ADTRP: variants seen among roughly 807,000 people sequenced by gnomAD.
ADTRP encodes the protein androgen-dependent TFPI-regulating protein.
Under a neutral mutation model 27.0 loss-of-function variants are expected in ADTRP, and 20 were observed. That is an observed-to-expected ratio of 0.74 (90% CI 0.52 to 1.08). The LOEUF (loss-of-function observed/expected upper bound fraction) is 1.08, where lower values mean the gene tolerates loss of function less well. Ranked by LOEUF, ADTRP falls within the 50% of genes least tolerant of loss-of-function variation. The probability of loss-of-function intolerance (pLI) is 0.00; values close to 1 mark genes in which losing one functional copy is unlikely to be tolerated. For synonymous variants in ADTRP, 101 were observed against 105.2 expected (o/e 0.96, Z 0.25); for missense variants, 251 against 275.0 (o/e 0.91, Z 0.62).
At chr6:11,758,578 G>C (rs184745679) in intron 3 of ADTRP, among the ~76,000 whole-genome samples, 1 of 119,842 alleles carries the variant, frequency 8.3e-6, no homozygotes, top group Non-Finnish European at 1.7e-5. Flanking sequence ...TGTGGGGTGG[G>C]GGGGGGGGAC....
chr6:11,714,390 C>T lies in ADTRP; in HGVS notation c.*88G>A. 4 of 1,467,604 alleles carry T rather than the reference C, an allele frequency of 2.7e-6. No homozygotes were observed. Among genetic ancestry groups the T allele is most frequent in the Middle Eastern group, 1.8e-4 (1 of 5,532 alleles). 90.9% of individuals were successfully genotyped at this position (1,467,604 alleles called of 1,614,324 possible). A position where few individuals can be genotyped will look rare whatever the true frequency, so the allele number is the denominator to read the frequency against. On this transcript the variant is annotated 3_prime_UTR_variant, in exon 6 of 6. Coordinates refer to ENST00000414691, the MANE Select transcript of ADTRP (RefSeq NM_032744.4). ...CCTCCTACTTTGCTATGTTCCTCCA[C>T]CACCTCCCTCCACCAGAAAAAAAAA...
In ADTRP at chr6:11,758,800, T is replaced by C. The variant is rs373182032; in HGVS notation, c.390+7474A>G. On this transcript the variant is annotated intron_variant, in intron 3 of 5. Transcript: ENST00000414691. ...CTACATGAAGCACTTCAGGGTGGTGTTGGTACATTGAGAAAGTGGGGCAAG... is the reference window on the plus strand; with the variant it reads ...CTACATGAAGCACTTCAGGGTGGTGCTGGTACATTGAGAAAGTGGGGCAAG... Among the ~76,000 whole-genome samples, 8 of 152,160 alleles carry C rather than the reference T, an allele frequency of 5.3e-5. No individual in the cohort carries two copies. In the East Asian group the frequency reaches 1.2e-3, roughly 22 times the overall value.
intron 3 of ADTRP, among the ~76,000 whole-genome samples, chr6:11,753,590 A>G (rs1343086683): frequency 6.6e-6 from 1 of 152,240 alleles, no homozygotes; most frequent in African/African-American, 2.4e-5. Context: ...ATTTTAAAAT[A>G]TGTCAGAAAG....
At chr6:11,717,127 A>T in intron 5 of ADTRP, 2 of 632,264 alleles carry the variant, frequency 3.2e-6, no homozygotes, top group Non-Finnish European at 2.3e-6. Flanking sequence ...AATGGATTTT[A>T]AGTTGTAATT....
chr6:11,767,434 T>C (rs1763611326), intron 2 of ADTRP, among the ~76,000 whole-genome samples: 1 of 152,188 alleles, frequency 6.6e-6, no homozygotes, highest in Non-Finnish European at 1.5e-5. Context: ...ATCCTTGCTT[T>C]GTTATCAGAG....
At chr6:11,759,189 G>A (rs1763324006) in intron 3 of ADTRP, among the ~76,000 whole-genome samples, 1 of 152,182 alleles carries the variant, frequency 6.6e-6, no homozygotes, top group East Asian at 1.9e-4. Context: ...CTGACGTTTA[G>A]CCAGCAATTC....
At chr6:11,775,786 C>T (rs1157181236) in intron 1 of ADTRP, among the ~76,000 whole-genome samples, 1 of 152,068 alleles carries the variant, frequency 6.6e-6, no homozygotes, top group Non-Finnish European at 1.5e-5. Flanking sequence ...CTCACAGTGC[C>T]AACTGGCACA....
chr6:11,760,172 T>C (rs560409953), intron 3 of ADTRP, among the ~76,000 whole-genome samples: 2 of 152,324 alleles, frequency 1.3e-5, no homozygotes, highest in South Asian at 4.1e-4. Flanking sequence ...GTTTATTTAT[T>C]GTGTGTTTAC....
chr6:11,770,230 C>T (rs1366554152), intron 1 of ADTRP: 19 of 739,106 alleles, frequency 2.6e-5, no homozygotes, highest in Middle Eastern at 3.5e-4. Context: ...GTTCCCACCC[C>T]CAGAGATTCT....
At position 11,769,943 on chromosome 6, in the gene ADTRP, T is replaced by A. The variant is rs910062283; in HGVS notation, c.154-1560A>T. Reference sequence around the variant, plus strand: ...ACTTGGTATGTGCCAGGCACTGAACTGTGTTTCATTCTCATAACAACCTTA... The same window carrying A: ...ACTTGGTATGTGCCAGGCACTGAACAGTGTTTCATTCTCATAACAACCTTA... On this transcript the variant is annotated intron_variant, in intron 1 of 5. Coordinates refer to ENST00000414691, the MANE Select transcript of ADTRP (RefSeq NM_032744.4). The A allele has an allele frequency of 1.9e-5, 27 of 1,401,612 alleles. No individual in the cohort carries two copies. The Middle Eastern group carries it at 7.0e-4, about 36-fold the overall frequency. 86.8% of individuals were successfully genotyped at this position (1,401,612 alleles called of 1,614,324 possible). A position where few individuals can be genotyped will look rare whatever the true frequency, so the allele number is the denominator to read the frequency against.
rs773662377 is a variant in ADTRP, at chr6:11,768,390, C to T, written c.154-7G>A. The T allele has an allele frequency of 1.2e-6, 2 of 1,613,730 alleles. No individual in the cohort carries two copies. Among genetic ancestry groups the T allele is most frequent in the Non-Finnish European group, 1.7e-6 (2 of 1,179,866 alleles). ...AGAAAATGGTCTGCAAGAGCTAAAT[C>T]CATTACAACAAATGAGGGCATTTTC... On this transcript the variant is annotated splice_region_variant and splice_polypyrimidine_tract_variant and intron_variant, in intron 1 of 5. Transcript: ENST00000414691.
At position 11,767,082 on chromosome 6, in the gene ADTRP, T is replaced by G. The variant is rs1481675276; in HGVS notation, c.289-707A>C. On this transcript the variant is annotated intron_variant, in intron 2 of 5. Transcript: ENST00000414691. ...AGACTTCACTGTTGATTTTAAAAACTTGGCTATAGCCAGACTTGGTGGCTC... is the reference window on the plus strand; with the variant it reads ...AGACTTCACTGTTGATTTTAAAAACGTGGCTATAGCCAGACTTGGTGGCTC... Among the ~76,000 whole-genome samples the G allele has an allele frequency of 2.0e-5, 3 of 152,250 alleles. No individual in the cohort carries two copies. The East Asian group carries it at 5.8e-4, about 29-fold the overall frequency.
intron 3 of ADTRP, among the ~76,000 whole-genome samples, chr6:11,743,396 C>G (rs147500612): frequency 6.6e-6 from 1 of 152,166 alleles, no homozygotes; most frequent in Non-Finnish European, 1.5e-5. Context: ...TGTGCCCACC[C>G]TCTAATTACT....
At chr6:11,717,474 A>T (rs1761871116) in intron 5 of ADTRP, 1 of 1,258,864 alleles carries the variant, frequency 7.9e-7, no homozygotes, top group Admixed American at 2.6e-5. Context: ...ACCATATATA[A>T]TTATATGCCT....
chr6:11,770,815 G>C (rs1048060608), intron 1 of ADTRP, among the ~76,000 whole-genome samples: 34 of 152,092 alleles, frequency 2.2e-4, no homozygotes, highest in African/African-American at 8.2e-4. Context: ...CCTCACCCTG[G>C]TTTCACTTCC....
intron 5 of ADTRP, 97 bp downstream of exon 5, chr6:11,723,251 GC>G: frequency 6.8e-7 from 1 of 1,461,556 alleles, no homozygotes; most frequent in South Asian, 1.3e-5. Flanking sequence ...AAGCATCATT[GC>G]TTCTGTTTGC....
intron 3 of ADTRP, chr6:11,736,241 A>G (rs891037490): frequency 2.5e-5 from 4 of 158,454 alleles, no homozygotes; most frequent in East Asian, 1.9e-4. Flanking sequence ...ACACACACGC[A>G]CACACACTCA....
At chr6:11,736,362 C>T (rs1762553288) in intron 3 of ADTRP, 1 of 152,892 alleles carries the variant, frequency 6.5e-6, no homozygotes, top group African/African-American at 2.4e-5. Flanking sequence ...CATGCATACT[C>T]TCACAGATAT....
intron 3 of ADTRP, among the ~76,000 whole-genome samples, chr6:11,754,760 G>A (rs946752605): frequency 8.5e-5 from 13 of 152,144 alleles, no homozygotes; most frequent in Admixed American, 1.3e-4. Context: ...AGGCAAGGAC[G>A]GAACTCCACA....
Sources: allele counts gnomAD v4.1 joint callset (sites outside exome capture counted in the v4.1 genomes callset), GRCh38; gene constraint gnomAD v4.1.1; transcripts MANE v1.5; gene names NCBI Gene and HGNC (gene_info 2026-07-23, HGNC 2026-07-21).